MSTO1: variants seen among roughly 807,000 people sequenced by gnomAD.
MSTO1 encodes the protein misato mitochondrial distribution and morphology regulator 1, also known as protein misato homolog 1.
In MSTO1, 24 loss-of-function variants were observed where a neutral mutation model predicts 55.7. That is an observed-to-expected ratio of 0.43 (90% CI 0.31 to 0.61). The LOEUF (loss-of-function observed/expected upper bound fraction) is 0.61, where lower values mean the gene tolerates loss of function less well. Among genes scored for constraint, MSTO1 ranks in the 20% least tolerant of loss-of-function variants. The pLI is 0.09. For synonymous variants in MSTO1, 162 were observed against 252.8 expected (o/e 0.64, Z 3.41); for missense variants, 363 against 625.7 (o/e 0.58, Z 4.48).
the MSTO1 span, among the ~76,000 whole-genome samples, chr1:155,575,032 A>G: frequency 3.9e-5 from 6 of 151,914 alleles, no homozygotes; most frequent in Non-Finnish European, 8.8e-5. Flanking sequence ...ATGCCCAGCT[A>G]ATTTTTGTAT....
the MSTO1 span, chr1:155,591,287 C>G: frequency 1.3e-6 from 2 of 1,535,364 alleles, no homozygotes; most frequent in Admixed American, 1.9e-5. Flanking sequence ...AGCTGCACTG[C>G]GAAGGAGATA....
the MSTO1 span, among the ~76,000 whole-genome samples, chr1:155,579,444 A>G: frequency 6.6e-6 from 1 of 152,200 alleles, no homozygotes; most frequent in Non-Finnish European, 1.5e-5. Flanking sequence ...AAAGCTGTGT[A>G]AAAACCATAA....
At chr1:155,599,672 T>C in the MSTO1 span, among the ~76,000 whole-genome samples, 143 of 152,264 alleles carry the variant, frequency 9.4e-4, 2 homozygotes, top group East Asian at 0.025. Flanking sequence ...GTTCAGCATA[T>C]GGAGGATCCC....
chr1:155,601,911 T>G, the MSTO1 span, among the ~76,000 whole-genome samples: 1 of 152,000 alleles, frequency 6.6e-6, no homozygotes, highest in Non-Finnish European at 1.5e-5. Context: ...CCTGCCACTA[T>G]GCCCAGCTAA....
chr1:155,581,855 G>A, the MSTO1 span, among the ~76,000 whole-genome samples: 2 of 149,048 alleles, frequency 1.3e-5, no homozygotes, highest in East Asian at 2.0e-4. Context: ...GTGCAGTGGC[G>A]CGATCTTGGC....
At chr1:155,574,829 C>T in the MSTO1 span, among the ~76,000 whole-genome samples, 1 of 151,870 alleles carries the variant, frequency 6.6e-6, no homozygotes, top group Non-Finnish European at 1.5e-5. Context: ...CAGGCCTGAG[C>T]CACCGTGCAC....
chr1:155,605,773 G>A (rs2148974596), upstream of MSTO1, among the ~76,000 whole-genome samples: 1 of 152,252 alleles, frequency 6.6e-6, no homozygotes, highest in Admixed American at 6.5e-5. Flanking sequence ...ATCAGATAAT[G>A]TCTTAAAAAC....
chr1:155,575,886 G>A, the MSTO1 span, among the ~76,000 whole-genome samples: 1 of 151,420 alleles, frequency 6.6e-6, no homozygotes, highest in South Asian at 2.1e-4. Flanking sequence ...GCAATGGCGT[G>A]ATCTCGGCTC....
intron 11 of MSTO1, 26 bp from the exon 12 acceptor site, chr1:155,613,436 T>C (rs1674809154): frequency 6.2e-7 from 1 of 1,613,840 alleles, no homozygotes; most frequent in South Asian, 1.1e-5. Flanking sequence ...CACAGACTAA[T>C]GGTGGTTTTG....
the MSTO1 span, among the ~76,000 whole-genome samples, chr1:155,575,126 TAA>T: frequency 6.6e-6 from 1 of 151,330 alleles, no homozygotes; most frequent in Non-Finnish European, 1.5e-5. Context: ...CTCAGCTTCC[TAA>T]AGTGCTGGGA....
At chr1:155,591,028 G>T in the MSTO1 span, 1 of 1,613,876 alleles carries the variant, frequency 6.2e-7, no homozygotes, top group Non-Finnish European at 8.5e-7. Flanking sequence ...GGCACGTGCA[G>T]CCTGCAGGTC....
rs751557139 is a variant in MSTO1, at chr1:155,612,310, T to C, written c.807T>C (p.His269=). 1 of 1,579,508 alleles carries C rather than the reference T, an allele frequency of 6.3e-7. No individual in the cohort carries two copies. Residue 269 remains histidine (H), a synonymous_variant, in exon 8 of 14, where the codon CAT becomes CAC. Transcript: ENST00000245564. ...ITWGLLPGPY[H]RGEAQRNIYR... ...GGGGCCTGCTACCTGGTCCCTACCA[T>C]CGTGGGGTGAGTGGAACTTAGAGAA...
chr1:155,613,756 C>T lies in MSTO1; in HGVS notation c.1488C>T (p.Pro496=), dbSNP rs143760215. 5 of 1,612,022 alleles carry T rather than the reference C, an allele frequency of 3.1e-6. No individual in the cohort carries two copies. The highest frequency in any genetic ancestry group is 1.3e-5 in the African/African-American group (1 of 74,936). Reference sequence around the variant, plus strand: ...CGGGTATGGTTCTGGATGGTTCCCCCAAGGGAGCAGGTATGTAGGAGGTGA... The same window carrying T: ...CGGGTATGGTTCTGGATGGTTCCCCTAAGGGAGCAGGTATGTAGGAGGTGA... ...SPPGMVLDGS[P]KGAAVESIPV... is the part of the protein sequence containing the mutation. The change falls in exon 13 of 14, where the codon CCC becomes CCT. Residue 496 remains proline (P), a synonymous_variant. Transcript: ENST00000245564.
chr1:155,598,771 G>A, the MSTO1 span: 1 of 847,180 alleles, frequency 1.2e-6, no homozygotes, highest in Non-Finnish European at 2.0e-6. Context: ...CAGTACAAGT[G>A]ACCTTTCTAG....
At chr1:155,599,045 C>A in the MSTO1 span, 1 of 528,498 alleles carries the variant, frequency 1.9e-6, no homozygotes, top group Non-Finnish European at 3.3e-6. Context: ...CACGATGGCT[C>A]ATGCCTGTAA....
the MSTO1 span, among the ~76,000 whole-genome samples, chr1:155,600,448 G>T: frequency 4.7e-4 from 72 of 152,302 alleles, no homozygotes; most frequent in African/African-American, 1.7e-3. Context: ...AGTCTCCTAT[G>T]TCTACTTCTT....
chr1:155,606,447 C>T (rs1483314523), upstream of MSTO1, among the ~76,000 whole-genome samples: 2 of 149,556 alleles, frequency 1.3e-5, no homozygotes, highest in Admixed American at 6.7e-5. Context: ...CAGGCTGGAG[C>T]GCAATGACAT....
At chr1:155,597,515 CTT>C in the MSTO1 span, among the ~76,000 whole-genome samples, 2 of 142,992 alleles carry the variant, frequency 1.4e-5, no homozygotes, top group Admixed American at 7.0e-5. Flanking sequence ...TAATTGCAAA[CTT>C]TTTTTTTTTT....
chr1:155,569,531 G>A, the MSTO1 span, among the ~76,000 whole-genome samples: 17 of 142,802 alleles, frequency 1.2e-4, no homozygotes, highest in Admixed American at 5.1e-4. Flanking sequence ...TCCCCCTCCC[G>A]GGTTCAAGCA....
Sources: gnomAD v4.1 joint callset for allele counts (sites outside exome capture counted in the v4.1 genomes callset) on GRCh38, gnomAD v4.1.1 for gene constraint, MANE v1.5 for transcripts, NCBI Gene and HGNC (gene_info 2026-07-23, HGNC 2026-07-21) for gene names.